RBMS3: variants seen among roughly 807,000 people sequenced by gnomAD.
RBMS3 encodes RNA binding motif single stranded interacting protein 3.
A neutral mutation model predicts 66.8 loss-of-function variants in RBMS3; 27 were observed. The observed-to-expected ratio is 0.40, with a 90% CI of 0.30 to 0.56. The LOEUF (loss-of-function observed/expected upper bound fraction) is 0.56, where lower values mean the gene tolerates loss of function less well. Ranked by LOEUF, RBMS3 falls within the 20% of genes least tolerant of loss-of-function variation. RBMS3 has a pLI of 0.40. For missense variants in RBMS3, 513 were observed against 549.5 expected (o/e 0.93, Z 0.66); for synonymous variants, 188 against 183.0 (o/e 1.03, Z -0.22).
intron 6 of RBMS3, among the ~76,000 whole-genome samples, chr3:29,828,781 T>TGTAAAATTTGTAAAAAAG (rs2058275284): frequency 1.3e-5 from 2 of 152,184 alleles, no homozygotes; most frequent in African/African-American, 4.8e-5. Context: ...TGATTTTTTT[T>TGTAAAATTTGTAAAAAAG]TCCACTGTGT....
intron 4 of RBMS3, among the ~76,000 whole-genome samples, chr3:29,590,341 C>T (rs2047684697): frequency 6.6e-6 from 1 of 151,938 alleles, no homozygotes; most frequent in Non-Finnish European, 1.5e-5. Context: ...AGCATAGAGC[C>T]TAGATCATAG....
intron 1 of RBMS3, among the ~76,000 whole-genome samples, chr3:29,409,924 G>A (rs1299225557): frequency 6.6e-6 from 1 of 151,878 alleles, no homozygotes; most frequent in Non-Finnish European, 1.5e-5. Flanking sequence ...GTCTGTTATT[G>A]GATTGCAGAA....
intron 11 of RBMS3, among the ~76,000 whole-genome samples, chr3:29,943,405 T>A (rs916741218): frequency 6.6e-6 from 1 of 151,832 alleles, no homozygotes; most frequent in African/African-American, 2.4e-5. Flanking sequence ...AATCTCCTTT[T>A]TAAGATCCCT....
intron 6 of RBMS3, among the ~76,000 whole-genome samples, chr3:29,818,054 A>G (rs2057964873): frequency 6.6e-6 from 1 of 152,156 alleles, no homozygotes; most frequent in Non-Finnish European, 1.5e-5. Context: ...TTAGATTTAC[A>G]TATACAAAGA....
chr3:29,325,673 CAT>C (rs1406739853), intron 1 of RBMS3, among the ~76,000 whole-genome samples: 2 of 151,138 alleles, frequency 1.3e-5, no homozygotes, highest in Admixed American at 6.6e-5. Context: ...CATACACACA[CAT>C]ATGTATAAAT....
intron 4 of RBMS3, among the ~76,000 whole-genome samples, chr3:29,706,799 T>A (rs980542785): frequency 1.3e-5 from 2 of 152,214 alleles, no homozygotes; most frequent in African/African-American, 4.8e-5. Context: ...CAGGATATTT[T>A]TATTATTGCT....
intron 1 of RBMS3, among the ~76,000 whole-genome samples, chr3:29,311,416 G>A (rs1462265737): frequency 6.6e-6 from 1 of 151,678 alleles, no homozygotes; most frequent in African/African-American, 2.4e-5. Context: ...AAATTGGTCT[G>A]AGTGCGAGGT....
chr3:29,843,955 G>T (rs1036213968), intron 6 of RBMS3, among the ~76,000 whole-genome samples: 2 of 121,076 alleles, frequency 1.7e-5, no homozygotes, highest in South Asian at 5.1e-4. Flanking sequence ...CTTTCTCAAA[G>T]AAAAAAAAAA....
At chr3:29,846,810 G>A (rs1478391658) in intron 6 of RBMS3, among the ~76,000 whole-genome samples, 1 of 152,042 alleles carries the variant, frequency 6.6e-6, no homozygotes, top group Non-Finnish European at 1.5e-5. Flanking sequence ...ACGCCCAAAT[G>A]AATTGATTAG....
chr3:29,660,573 G>C (rs964317818), intron 4 of RBMS3, among the ~76,000 whole-genome samples: 1 of 152,050 alleles, frequency 6.6e-6, no homozygotes, highest in Non-Finnish European at 1.5e-5. Context: ...TCTATATGCT[G>C]TGTAGCTTTT....
intron 1 of RBMS3, among the ~76,000 whole-genome samples, chr3:29,331,479 C>T (rs891801065): frequency 2.0e-5 from 3 of 152,116 alleles, no homozygotes; most frequent in Admixed American, 1.3e-4. Flanking sequence ...CCTTATTTCC[C>T]TTCTCTGTCT....
intron 1 of RBMS3, among the ~76,000 whole-genome samples, chr3:29,295,265 G>T (rs1452476384): frequency 7.6e-6 from 1 of 131,906 alleles, no homozygotes; most frequent in African/African-American, 2.8e-5. Context: ...ATTCCCAATT[G>T]CAGAAAATTA....
At chr3:29,495,367 T>C (rs1241120919) in intron 3 of RBMS3, among the ~76,000 whole-genome samples, 1 of 152,016 alleles carries the variant, frequency 6.6e-6, no homozygotes, top group Non-Finnish European at 1.5e-5. Context: ...CTTTTCTTGT[T>C]TATGCACTGA....
rs375498027 is a variant in RBMS3, at chr3:30,004,945, CAAAA to C, written c.*1089_*1092del. On this transcript the variant is annotated 3_prime_UTR_variant, in exon 15 of 15. Coordinates refer to ENST00000383767, the MANE Select transcript of RBMS3 (RefSeq NM_001003793.3). ...TGGTCAAAAAGTGCAAAAAAAAAAA[CAAAA>C]AAAAAGCAATAGATAGAGAAATTGT... 1 of 133,360 alleles carries C rather than the reference CAAAA, an allele frequency of 7.5e-6. No individual in the cohort carries two copies. The highest frequency in any genetic ancestry group is 1.6e-5 in the Non-Finnish European group (1 of 60,934). The allele number at this position is 133,360 out of a possible 1,614,324, so 8.3% of individuals were successfully genotyped here.
At chr3:29,685,806 C>A (rs1156868977) in intron 4 of RBMS3, among the ~76,000 whole-genome samples, 7 of 152,152 alleles carry the variant, frequency 4.6e-5, no homozygotes, top group Admixed American at 4.6e-4. Context: ...AGTACCTTGC[C>A]TGCCAGTCAT....
chr3:29,763,920 C>CT (rs1576734008), intron 6 of RBMS3, among the ~76,000 whole-genome samples: 1 of 152,056 alleles, frequency 6.6e-6, no homozygotes, highest in Non-Finnish European at 1.5e-5. Flanking sequence ...CTTCTTCCAT[C>CT]TTACAATATG....
At chr3:29,908,833 AT>A (rs1390286332) in intron 10 of RBMS3, among the ~76,000 whole-genome samples, 1 of 152,176 alleles carries the variant, frequency 6.6e-6, no homozygotes, top group Non-Finnish European at 1.5e-5. Context: ...AAGACTTGAA[AT>A]ATAATTGTAG....
intron 6 of RBMS3, among the ~76,000 whole-genome samples, chr3:29,777,702 A>C (rs909471518): frequency 9.9e-5 from 15 of 151,910 alleles, no homozygotes; most frequent in African/African-American, 3.6e-4. Context: ...TTTTTTAAAG[A>C]GTATTGACCT....
chr3:29,655,633 A>C (rs937085896), intron 4 of RBMS3, among the ~76,000 whole-genome samples: 1 of 152,226 alleles, frequency 6.6e-6, no homozygotes, highest in African/African-American at 2.4e-5. Flanking sequence ...TGTATGGTAC[A>C]TAATGCTAAT....
Sources: gnomAD v4.1 joint callset for allele counts (sites outside exome capture counted in the v4.1 genomes callset) on GRCh38, gnomAD v4.1.1 for gene constraint, MANE v1.5 for transcripts, NCBI Gene and HGNC (gene_info 2026-07-23, HGNC 2026-07-21) for gene names.